Variants in SHROOM3 observed in about 807,000 individuals in gnomAD.
The protein encoded by SHROOM3 is shroom family member 3.
Under a neutral mutation model 138.6 loss-of-function variants are expected in SHROOM3, and 47 were observed. That is an observed-to-expected ratio of 0.34 (90% CI 0.27 to 0.43). The LOEUF (loss-of-function observed/expected upper bound fraction) is 0.43, where lower values mean the gene tolerates loss of function less well. Among genes scored for constraint, SHROOM3 ranks in the 20% least tolerant of loss-of-function variants. The probability of loss-of-function intolerance (pLI) is 1.00; values close to 1 mark genes in which losing one functional copy is unlikely to be tolerated. For synonymous variants in SHROOM3, 1,062 were observed against 1,063.3 expected (o/e 1.00, Z 0.02); for missense variants, 2,491 against 2,596.5 (o/e 0.96, Z 0.88).
chr4:76,454,666 A>T (rs918608565), intron 1 of SHROOM3, among the ~76,000 whole-genome samples: 11 of 152,236 alleles, frequency 7.2e-5, no homozygotes, highest in Non-Finnish European at 7.3e-5. Context: ...AAGATTCCAC[A>T]TGAATTTTAA....
intron 10 of SHROOM3, among the ~76,000 whole-genome samples, chr4:76,775,832 CAT>C (rs1176688312): frequency 6.6e-5 from 10 of 151,262 alleles, no homozygotes; most frequent in Admixed American, 2.6e-4. Context: ...CACACACACA[CAT>C]ACATATATAC....
rs188697317 is a variant in SHROOM3 at position 76,546,782 on chromosome 4, G to A, written c.169-8827G>A. Among the ~76,000 whole-genome samples, 490 of 152,276 alleles carry A rather than the reference G, an allele frequency of 3.2e-3. 3 individuals carry two copies. The highest frequency in any genetic ancestry group is 5.3e-3 in the Non-Finnish European group (362 of 68,026). ...AAACAGCAAATGATTTGTAGGTTAT[G>A]TTGCATTAACTGTGAGTGACTGAAG... On this transcript the variant is annotated intron_variant, in intron 1 of 10. Coordinates refer to ENST00000296043, the MANE Select transcript of SHROOM3 (RefSeq NM_020859.4).
At chr4:76,557,763 C>G (rs1207440224) in intron 2 of SHROOM3, among the ~76,000 whole-genome samples, 1 of 152,198 alleles carries the variant, frequency 6.6e-6, no homozygotes, top group Non-Finnish European at 1.5e-5. Flanking sequence ...GGCAATCCAA[C>G]ATACTTTACA....
intron 2 of SHROOM3, among the ~76,000 whole-genome samples, chr4:76,610,208 A>G (rs994384364): frequency 6.6e-6 from 1 of 152,262 alleles, no homozygotes; most frequent in African/African-American, 2.4e-5. Context: ...TCTAGCCAAA[A>G]AAAATCACCC....
At chr4:76,576,757 C>A (rs563408691) in intron 2 of SHROOM3, among the ~76,000 whole-genome samples, 2 of 151,666 alleles carry the variant, frequency 1.3e-5, no homozygotes, top group Non-Finnish European at 2.9e-5. Context: ...ATCTCACGTA[C>A]CCCATAAATG....
chr4:76,590,935 T>A (rs1734260682), intron 2 of SHROOM3, among the ~76,000 whole-genome samples: 1 of 152,200 alleles, frequency 6.6e-6, no homozygotes, highest in African/African-American at 2.4e-5. Context: ...TGAAATGAAC[T>A]TCAGACAAAG....
At chr4:76,456,928 G>T (rs558679001) in intron 1 of SHROOM3, among the ~76,000 whole-genome samples, 53 of 152,294 alleles carry the variant, frequency 3.5e-4, no homozygotes, top group African/African-American at 1.2e-3. Context: ...AGGGTGGGGA[G>T]AATTACAAAG....
intron 2 of SHROOM3, among the ~76,000 whole-genome samples, chr4:76,608,626 T>TAGCATAGCATAGCATAGCATAGC (rs1734683281): frequency 9.9e-6 from 1 of 100,836 alleles, no homozygotes; most frequent in Non-Finnish European, 1.9e-5. Flanking sequence ...ACAGAGATGG[T>TAGCATAGCATAGCATAGCATAGC]ATAGCATAGC....
At chr4:76,611,443 G>A (rs1734760247) in intron 2 of SHROOM3, among the ~76,000 whole-genome samples, 1 of 151,974 alleles carries the variant, frequency 6.6e-6, no homozygotes, top group Admixed American at 6.6e-5. Context: ...GGGGTGAAGG[G>A]GCACAAGGGA....
At chr4:76,511,079 G>A (rs1019810909) in intron 1 of SHROOM3, among the ~76,000 whole-genome samples, 4 of 152,064 alleles carry the variant, frequency 2.6e-5, no homozygotes, top group Admixed American at 6.5e-5. Context: ...CTACTCGGGA[G>A]GCTGAGGCAG....
rs138569757 is a variant in SHROOM3 at position 76,578,300 on chromosome 4, T to C, written c.323+22537T>C. 2.9e-3 allele frequency among the ~76,000 whole-genome samples: 445 copies of C among 152,320 alleles called. 2 individuals carry two copies. The highest frequency in any genetic ancestry group is 0.01 in the African/African-American group (423 of 41,568). On this transcript the variant is annotated intron_variant, in intron 2 of 10. Coordinates refer to ENST00000296043, the MANE Select transcript of SHROOM3 (RefSeq NM_020859.4). ...TTAGCTATACGGTTGGAGGAAACTTTATCTAAATTTGTATCTCAGGGGGTT... is the reference window on the plus strand; with the variant it reads ...TTAGCTATACGGTTGGAGGAAACTTCATCTAAATTTGTATCTCAGGGGGTT...
At chr4:76,744,739 T>C (rs938437528) in intron 5 of SHROOM3, among the ~76,000 whole-genome samples, 1 of 152,214 alleles carries the variant, frequency 6.6e-6, no homozygotes, top group African/African-American at 2.4e-5. Context: ...AACCACAATG[T>C]GGAGTGTGTT....
chr4:76,745,067 A>G (rs1721392893), intron 5 of SHROOM3, among the ~76,000 whole-genome samples: 1 of 152,200 alleles, frequency 6.6e-6, no homozygotes. Context: ...TCTCTGAAAC[A>G]TGCAACCTTC....
intron 1 of SHROOM3, among the ~76,000 whole-genome samples, chr4:76,439,653 T>A (rs1730629142): frequency 6.6e-6 from 1 of 152,048 alleles, no homozygotes; most frequent in Non-Finnish European, 1.5e-5. Context: ...AGGGTGACCC[T>A]CCATTGTAGG....
In SHROOM3 at chr4:76,627,696, A is replaced by G. The variant is rs180889125; in HGVS notation, c.323+71933A>G. On this transcript the variant is annotated intron_variant, in intron 2 of 10. Transcript: ENST00000296043. ...TTTTTTTTAGAAATGGGGTCTTGCT[A>G]TGTTGCCCAGAATGGAAGGTAGTGG... 6.2e-5 allele frequency among the ~76,000 whole-genome samples: 9 copies of G among 145,964 alleles called. No homozygotes were observed. The East Asian group carries it at 1.8e-3, about 29-fold the overall frequency.
intron 2 of SHROOM3, among the ~76,000 whole-genome samples, chr4:76,673,677 T>A (rs934501099): frequency 8.5e-5 from 13 of 152,288 alleles, no homozygotes; most frequent in East Asian, 1.9e-4. Flanking sequence ...TTAAAAAAAA[T>A]TTTAATTGTG....
chr4:76,721,348 A>G (rs1315786660), intron 3 of SHROOM3, among the ~76,000 whole-genome samples: 3 of 152,208 alleles, frequency 2.0e-5, no homozygotes, highest in Non-Finnish European at 4.4e-5. Flanking sequence ...ATTTCAACAT[A>G]CATAGAAAAC....
intron 6 of SHROOM3, among the ~76,000 whole-genome samples, chr4:76,754,040 G>A (rs1366044391): frequency 2.6e-5 from 4 of 152,220 alleles, no homozygotes; most frequent in African/African-American, 7.2e-5. Context: ...TGTACAGGAT[G>A]TGGGGGCGGT....
Position 76,666,886 on chromosome 4 carries a change from T to C in SHROOM3, c.324-43270T>C, listed in dbSNP as rs1346470386. Among the ~76,000 whole-genome samples the C allele has an allele frequency of 2.0e-5, 3 of 152,226 alleles. No homozygotes were observed. The East Asian group carries it at 5.8e-4, about 29-fold the overall frequency. Reference sequence around the variant, plus strand: ...GTATAAACATTTAATGGCCTATCATTCTGCCTTAAAAAGGAATGAAATCCT... The same window carrying C: ...GTATAAACATTTAATGGCCTATCATCCTGCCTTAAAAAGGAATGAAATCCT... On this transcript the variant is annotated intron_variant, in intron 2 of 10. Coordinates refer to ENST00000296043, the MANE Select transcript of SHROOM3 (RefSeq NM_020859.4).
Sources: allele counts gnomAD v4.1 joint callset (sites outside exome capture counted in the v4.1 genomes callset), GRCh38; gene constraint gnomAD v4.1.1; transcripts MANE v1.5; gene names NCBI Gene and HGNC (gene_info 2026-07-23, HGNC 2026-07-21).